The following VAT1L variants were observed in gnomAD, a reference collection of about 807,000 sequenced individuals.
VAT1L encodes the protein putative NADPH-dependent quinone oxidoreductase VAT1L.
A neutral mutation model predicts 44.1 loss-of-function variants in VAT1L; 34 were observed. The observed-to-expected ratio is 0.77, with a 90% CI of 0.59 to 1.03. The LOEUF is 1.03. Among genes scored for constraint, VAT1L ranks in the 50% least tolerant of loss-of-function variants. VAT1L has a pLI of 0.00. For synonymous variants in VAT1L, 253 were observed against 202.2 expected (o/e 1.25, Z -2.13); for missense variants, 615 against 538.8 (o/e 1.14, Z -1.40).
intron 3 of VAT1L, among the ~76,000 whole-genome samples, chr16:77,832,295 G>A (rs925675306): frequency 1.3e-5 from 2 of 152,162 alleles, no homozygotes; most frequent in South Asian, 4.1e-4. Flanking sequence ...CGGAGTGACA[G>A]ACTATTTTAC....
chr16:77,956,087 G>C (rs531414174), intron 7 of VAT1L, among the ~76,000 whole-genome samples: 4 of 152,116 alleles, frequency 2.6e-5, no homozygotes, highest in Non-Finnish European at 5.9e-5. Context: ...TAATTGGATT[G>C]TTTGCAACAC....
intron 7 of VAT1L, among the ~76,000 whole-genome samples, chr16:77,912,538 CTCCCAAAA>C (rs1024618362): frequency 7.9e-5 from 12 of 152,174 alleles, no homozygotes; most frequent in African/African-American, 2.9e-4. Context: ...CCTCCTTGGC[CTCCCAAAA>C]TCTACTTTAT....
At chr16:77,966,816 C>G (rs1423123085) in intron 7 of VAT1L, among the ~76,000 whole-genome samples, 1 of 151,622 alleles carries the variant, frequency 6.6e-6, no homozygotes, top group African/African-American at 2.4e-5. Context: ...TTTTACTAGC[C>G]AAATTTCAAA....
At chr16:77,928,709 C>T (rs957150426) in intron 7 of VAT1L, among the ~76,000 whole-genome samples, 11 of 151,890 alleles carry the variant, frequency 7.2e-5, no homozygotes, top group Admixed American at 5.9e-4. Context: ...GTAACAAAAA[C>T]AATTACACAA....
intron 7 of VAT1L, among the ~76,000 whole-genome samples, chr16:77,956,098 A>G (rs111241942): frequency 0.013 from 1,976 of 152,284 alleles, 47 homozygotes; most frequent in African/African-American, 0.044. Context: ...TTTGCAACAC[A>G]AAGAGATAAT....
chr16:77,926,474 C>T lies in VAT1L; in HGVS notation c.1077+41672C>T, dbSNP rs1567510496. The stretch of plus-strand genomic sequence containing the variant: ...TGGCAGGCGCCTGTAATCCCAGCTA[C>T]TCAAGAGGCTGAGACAGGAGAATCG... On this transcript the variant is annotated intron_variant, in intron 7 of 8. Transcript: ENST00000302536. Among the ~76,000 whole-genome samples the T allele has an allele frequency of 3.3e-5, 5 of 151,886 alleles. No individual in the cohort carries two copies. The South Asian group carries it at 8.3e-4, about 25-fold the overall frequency.
intron 7 of VAT1L, among the ~76,000 whole-genome samples, chr16:77,928,461 G>T (rs1490549820): frequency 2.6e-5 from 4 of 152,280 alleles, no homozygotes; most frequent in Non-Finnish European, 4.4e-5. Context: ...CAAGTATTGA[G>T]ATTTTTCATA....
chr16:77,831,671 A>G (rs1012725732), intron 3 of VAT1L, among the ~76,000 whole-genome samples: 8 of 152,196 alleles, frequency 5.3e-5, no homozygotes, highest in African/African-American at 1.9e-4. Flanking sequence ...GAAGAGACAA[A>G]GGAGCTATGA....
At chr16:77,818,875 T>C (rs1052494789) in intron 2 of VAT1L, among the ~76,000 whole-genome samples, 1 of 152,170 alleles carries the variant, frequency 6.6e-6, no homozygotes, top group Non-Finnish European at 1.5e-5. Context: ...ATATTGGAGA[T>C]GGAATTCCTT....
At position 77,952,855 on chromosome 16, in the gene VAT1L, T is replaced by TAAAA. The variant is rs61033802; in HGVS notation, c.1078-18978_1078-18975dup. ...CTGGGGAACAGAGTGAGACTCCATT[T>TAAAA]AAAAAAAAAAAAAAAAAAAAGCTGT... On this transcript the variant is annotated intron_variant, in intron 7 of 8. Coordinates refer to ENST00000302536, the MANE Select transcript of VAT1L (RefSeq NM_020927.3). 4.5e-3 allele frequency among the ~76,000 whole-genome samples: 418 copies of TAAAA among 92,196 alleles called. 33 individuals carry two copies. The highest frequency in any genetic ancestry group is 0.015 in the African/African-American group (269 of 17,916). 60.5% of individuals were successfully genotyped at this position (92,196 alleles called of 152,430 possible).
At chr16:77,940,141 G>A (rs187744458) in intron 7 of VAT1L, among the ~76,000 whole-genome samples, 42 of 152,208 alleles carry the variant, frequency 2.8e-4, no homozygotes, top group East Asian at 1.5e-3. Context: ...CCAGTGATAC[G>A]CTAGTGAATG....
chr16:77,842,724 G>A (rs183577800), intron 3 of VAT1L, among the ~76,000 whole-genome samples: 1 of 152,238 alleles, frequency 6.6e-6, no homozygotes, highest in Non-Finnish European at 1.5e-5. Context: ...AAACACCTCT[G>A]CTCTCTCTAC....
At chr16:77,932,734 T>G (rs970057570) in intron 7 of VAT1L, among the ~76,000 whole-genome samples, 5 of 152,308 alleles carry the variant, frequency 3.3e-5, no homozygotes, top group African/African-American at 1.2e-4. Flanking sequence ...ATCCACTCAT[T>G]TGTGCTGGCC....
intron 4 of VAT1L, among the ~76,000 whole-genome samples, chr16:77,874,697 T>G (rs2142452016): frequency 6.6e-6 from 1 of 152,240 alleles, no homozygotes; most frequent in East Asian, 1.9e-4. Context: ...TGAGACCACA[T>G]TTCAACTTAA....
intron 7 of VAT1L, among the ~76,000 whole-genome samples, chr16:77,943,286 A>T (rs1181347012): frequency 6.7e-6 from 1 of 148,162 alleles, no homozygotes; most frequent in Non-Finnish European, 1.5e-5. Context: ...CAAGCTCCTG[A>T]CCTCAGGTGA....
intron 7 of VAT1L, among the ~76,000 whole-genome samples, chr16:77,929,823 T>C (rs1207512220): frequency 6.6e-6 from 1 of 152,202 alleles, no homozygotes; most frequent in Non-Finnish European, 1.5e-5. Flanking sequence ...AGAACTGGTA[T>C]CGGAAGTTAG....
chr16:77,884,830 T>G lies in VAT1L; in HGVS notation c.1077+28T>G. On this transcript the variant is annotated intron_variant, in intron 7 of 8. Coordinates refer to ENST00000302536, the MANE Select transcript of VAT1L (RefSeq NM_020927.3). This position sits in a 1 kb window ranked among gnomAD's most constrained non-coding sequence, Gnocchi z 4.5. The stretch of plus-strand genomic sequence containing the variant: ...AAGAATGGTGCTTTTCTTCTGCAAA[T>G]AAACTCCTCTTTTTAACTCAGGAAG... 2 of 1,439,528 alleles carry G rather than the reference T, an allele frequency of 1.4e-6. No homozygotes were observed. Among genetic ancestry groups the G allele is most frequent in the Non-Finnish European group, 1.8e-6 (2 of 1,094,694 alleles). 89.2% of individuals were successfully genotyped at this position (1,439,528 alleles called of 1,614,324 possible).
chr16:77,940,531 G>C (rs2017868609), intron 7 of VAT1L, among the ~76,000 whole-genome samples: 2 of 151,886 alleles, frequency 1.3e-5, no homozygotes, highest in South Asian at 4.2e-4. Flanking sequence ...TTTTAGTAGA[G>C]ATGGGGTTTC....
chr16:77,938,628 C>G (rs977218436), intron 7 of VAT1L, among the ~76,000 whole-genome samples: 3 of 152,140 alleles, frequency 2.0e-5, no homozygotes, highest in African/African-American at 7.2e-5. Context: ...GTGCCTGCTT[C>G]CCCTTTACCT....
Sources: allele counts gnomAD v4.1 joint callset (sites outside exome capture counted in the v4.1 genomes callset), GRCh38; gene constraint gnomAD v4.1.1; non-coding constraint Gnocchi (gnomAD v3.1); transcripts MANE v1.5; gene names NCBI Gene and HGNC (gene_info 2026-07-23, HGNC 2026-07-21).